The following ERO1A variants were observed in gnomAD, a reference collection of about 807,000 sequenced individuals.
ERO1A encodes endoplasmic reticulum oxidoreductase 1 alpha.
A neutral mutation model predicts 76.9 loss-of-function variants in ERO1A; 49 were observed. The observed-to-expected ratio is 0.64, with a 90% CI of 0.51 to 0.81. The LOEUF (loss-of-function observed/expected upper bound fraction) is 0.81. Among genes scored for constraint, ERO1A ranks in the 30% least tolerant of loss-of-function variants. ERO1A has a pLI of 0.00. For missense variants in ERO1A, 448 were observed against 542.1 expected (o/e 0.83, Z 1.72); for synonymous variants, 174 against 181.2 (o/e 0.96, Z 0.32).
At chr14:52,647,923 G>A (rs2039726505) in intron 13 of ERO1A, among the ~76,000 whole-genome samples, 1 of 152,110 alleles carries the variant, frequency 6.6e-6, no homozygotes, top group Admixed American at 6.5e-5. Context: ...GATGAAGGCA[G>A]GACCACAAAT....
chr14:52,687,720 G>A (rs149572811), intron 1 of ERO1A, among the ~76,000 whole-genome samples: 23 of 152,290 alleles, frequency 1.5e-4, no homozygotes, highest in African/African-American at 5.5e-4. Flanking sequence ...AAATGCTAAT[G>A]TGTTTTAAAG....
In ERO1A at chr14:52,645,847, TACACACACAC is replaced by T. The variant is rs113770296; in HGVS notation, c.1346+297_1346+306del. Among the ~76,000 whole-genome samples the T allele has an allele frequency of 7.1e-4, 103 of 145,200 alleles. 1 individual carries two copies. Among genetic ancestry groups the T allele is most frequent in the East Asian group, 3.6e-3 (17 of 4,766 alleles). On this transcript the variant is annotated intron_variant, in intron 15 of 15. Coordinates refer to ENST00000395686, the MANE Select transcript of ERO1A (RefSeq NM_014584.3). The stretch of plus-strand genomic sequence containing the variant: ...GGTGAAACCGTGTTTCTACTAAAAA[TACACACACAC>T]ACACACACACACACACACACACACA...
At chr14:52,679,545 A>T in intron 3 of ERO1A, among the ~76,000 whole-genome samples, 1 of 151,214 alleles carries the variant, frequency 6.6e-6, no homozygotes, top group Non-Finnish European at 1.5e-5. Context: ...CCCGAGTGGC[A>T]CCCTGCTATG....
intron 7 of ERO1A, among the ~76,000 whole-genome samples, chr14:52,665,130 C>T (rs1157680872): frequency 3.3e-5 from 5 of 151,164 alleles, no homozygotes; most frequent in Admixed American, 1.3e-4. Flanking sequence ...GGTGAAACCC[C>T]GTCTCCACTA....
chr14:52,643,873 C>G (rs2039555340), intron 15 of ERO1A, among the ~76,000 whole-genome samples: 1 of 152,076 alleles, frequency 6.6e-6, no homozygotes, highest in Admixed American at 6.5e-5. Flanking sequence ...TGCAGTGATT[C>G]ACTCCTGTAA....
chr14:52,656,625 T>C (rs1467299833), intron 11 of ERO1A, among the ~76,000 whole-genome samples: 1 of 142,998 alleles, frequency 7.0e-6, no homozygotes, highest in African/African-American at 2.6e-5. Context: ...GGCAGGAGAA[T>C]CACTTGAACC....
chr14:52,669,099 A>T (rs1314766475), intron 6 of ERO1A, among the ~76,000 whole-genome samples: 3 of 152,124 alleles, frequency 2.0e-5, no homozygotes, highest in Non-Finnish European at 4.4e-5. Context: ...CAAATTTCCA[A>T]TTAGGATTTT....
chr14:52,658,149 C>T lies in ERO1A; in HGVS notation c.690G>A (p.Glu230=), dbSNP rs62639686. 4.4e-4 allele frequency: 656 copies of T among 1,495,078 alleles called. 5 individuals carry two copies. The African/African-American group carries it at 8.4e-3, about 19-fold the overall frequency. The allele number at this position is 1,495,078 out of a possible 1,614,324, so 92.6% of individuals were successfully genotyped here. Reference sequence around the variant, plus strand: ...CTTCTAGCCAACTGTAAAAAGTGTTCTCTGAAATCAAAAGAAAAATAAGTC... The same window carrying T: ...CTTCTAGCCAACTGTAAAAAGTGTTTTCTGAAATCAAAAGAAAAATAAGTC... ...PLASGQGTSE[E]NTFYSWLEGL... is the part of the protein sequence containing the mutation. The change falls in exon 10 of 16, where the codon GAG becomes GAA. Residue 230 remains glutamate (E), a splice_region_variant and synonymous_variant. Transcript: ENST00000395686.
At chr14:52,669,971 G>A (rs1418196085) in intron 6 of ERO1A, among the ~76,000 whole-genome samples, 2 of 152,112 alleles carry the variant, frequency 1.3e-5, no homozygotes, top group Non-Finnish European at 2.9e-5. Context: ...CCTAGGCTTG[G>A]AGTACAGTGG....
At chr14:52,646,558 T>G in intron 13 of ERO1A, 97 bp from the exon 14 acceptor site, 1 of 804,686 alleles carries the variant, frequency 1.2e-6, no homozygotes, top group Non-Finnish European at 2.0e-6. Context: ...CTGTGCAAGG[T>G]ACTATGGGGT....
At chr14:52,692,300 C>T (rs2041379781) in intron 1 of ERO1A, among the ~76,000 whole-genome samples, 1 of 152,146 alleles carries the variant, frequency 6.6e-6, no homozygotes, top group Non-Finnish European at 1.5e-5. Context: ...TTGTAGAGCT[C>T]TACACATTTT....
chr14:52,691,558 C>T (rs575473333), intron 1 of ERO1A, among the ~76,000 whole-genome samples: 62 of 152,348 alleles, frequency 4.1e-4, no homozygotes, highest in African/African-American at 1.3e-3. Flanking sequence ...AAGTGTCTCT[C>T]CCACGGCCCA....
At chr14:52,686,160 C>T (rs1226853235) in intron 1 of ERO1A, among the ~76,000 whole-genome samples, 1 of 152,244 alleles carries the variant, frequency 6.6e-6, no homozygotes, top group African/African-American at 2.4e-5. Flanking sequence ...TGCAGGGAAC[C>T]AAGATCACAC....
Position 52,671,617 on chromosome 14 carries a change from A to AGCTTCACAGAAGTTATCTGAAGAATC in ERO1A, c.508+12_508+13insGATTCTTCAGATAACTTCTGTGAAGC. The AGCTTCACAGAAGTTATCTGAAGAATC allele has an allele frequency of 6.3e-7, 1 of 1,579,484 alleles. No individual in the cohort carries two copies. ...AATTTTAAACACAATGCATACTATC[A>AGCTTCACAGAAGTTATCTGAAGAATC]AAAATATTATACCATCAGCTTCACA... On this transcript the variant is annotated intron_variant, in intron 6 of 15. Transcript: ENST00000395686.
Position 52,695,477 on chromosome 14 carries a change from C to A in ERO1A, c.5G>T (p.Gly2Val). 1 of 1,514,930 alleles carries A rather than the reference C, an allele frequency of 6.6e-7. No individual in the cohort carries two copies. 93.8% of individuals were successfully genotyped at this position (1,514,930 alleles called of 1,614,324 possible). ...GCCAAACAAGAATCCCCAGCCGCGG[C>A]CCATTGCAGCTCCGGCAGCTTGTCG... M[G>V]RGWGFLFGLL... The change falls in exon 1 of 16, where the codon GGC becomes GTC. Residue 2 changes from glycine to valine, a missense_variant. By Grantham distance (109) the Gly-to-Val change is moderately radical (BLOSUM62 -3). Around this residue, in one of 2 missense-constraint regions of ERO1A, gnomAD observed 146 missense variants for 130.2 expected, o/e 1.12. Transcript: ENST00000395686.
At chr14:52,653,452 T>C in intron 11 of ERO1A, 137 bp from the exon 12 acceptor site, 1 of 587,814 alleles carries the variant, frequency 1.7e-6, no homozygotes, top group Non-Finnish European at 2.7e-6. Context: ...GAAAATGGTT[T>C]TTCACAATTT....
At chr14:52,649,761 C>G (rs1189118288) in intron 13 of ERO1A, among the ~76,000 whole-genome samples, 1 of 151,974 alleles carries the variant, frequency 6.6e-6, no homozygotes, top group Non-Finnish European at 1.5e-5. Context: ...TATATAAGCA[C>G]TGAGGTATGT....
Position 52,684,676 on chromosome 14 carries a change from C to T in ERO1A, c.115-769G>A, listed in dbSNP as rs924216404. On this transcript the variant is annotated intron_variant, in intron 1 of 15. Transcript: ENST00000395686. The stretch of plus-strand genomic sequence containing the variant: ...ACAGCAAACTGACCTCAAAGTCAAT[C>T]CTGCTCTTCAAATGTTTAAAGCTAA... Among the ~76,000 whole-genome samples, 10 of 152,290 alleles carry T rather than the reference C, an allele frequency of 6.6e-5. No individual in the cohort carries two copies. In the South Asian group the frequency reaches 1.2e-3, roughly 19 times the overall value.
intron 9 of ERO1A, among the ~76,000 whole-genome samples, chr14:52,659,625 G>A (rs1171975892): frequency 1.3e-5 from 2 of 152,042 alleles, no homozygotes; most frequent in Non-Finnish European, 2.9e-5. Flanking sequence ...TTAGAAAAGT[G>A]CCTGGCACAG....
Sources: gnomAD v4.1 joint callset for allele counts (sites outside exome capture counted in the v4.1 genomes callset) on GRCh38, gnomAD v4.1.1 for gene constraint, gnomAD v4.1.1 regional missense constraint, MANE v1.5 for transcripts, NCBI Gene and HGNC (gene_info 2026-07-23, HGNC 2026-07-21) for gene names.